The following TTYH3 variants were observed in gnomAD, a reference collection of about 807,000 sequenced individuals.
TTYH3 encodes tweety family member 3.
Under a neutral mutation model 68.2 loss-of-function variants are expected in TTYH3, and 23 were observed. The ratio of observed to expected loss-of-function variants is 0.34; its 90% CI spans 0.24 to 0.48. The LOEUF (loss-of-function observed/expected upper bound fraction) is 0.48, where lower values mean the gene tolerates loss of function less well. TTYH3 is among the 20% of genes least tolerant of loss of function. The probability of loss-of-function intolerance (pLI) is 0.99; values close to 1 mark genes in which losing one functional copy is unlikely to be tolerated. For missense variants in TTYH3, 768 were observed against 727.7 expected, an observed-to-expected ratio of 1.06 and a Z score of -0.64; for synonymous variants, 360 against 332.8, an observed-to-expected ratio of 1.08 and a Z score of -0.89.
In TTYH3 at chr7:2,632,083, T is replaced by C; in HGVS notation, c.-73T>C. 1 of 1,222,560 alleles carries C rather than the reference T, an allele frequency of 8.2e-7. No individual in the cohort carries two copies. Among genetic ancestry groups the C allele is most frequent in the Non-Finnish European group, 1.0e-6 (1 of 980,662 alleles). 75.7% of individuals were successfully genotyped at this position (1,222,560 alleles called of 1,614,324 possible). A position where few individuals can be genotyped will look rare whatever the true frequency, so the allele number is the denominator to read the frequency against. Reference sequence around the variant, plus strand: ...GGCCAGGCGGGGGTCGACGGGTCCCTGAAGCCCGCGCCCCGGGCCAGCAAG... The same window carrying C: ...GGCCAGGCGGGGGTCGACGGGTCCCCGAAGCCCGCGCCCCGGGCCAGCAAG... On this transcript the variant is annotated 5_prime_UTR_variant, in exon 1 of 14. The change abolishes the stop of an existing upstream ORF in the 5' untranslated region. Coordinates refer to ENST00000258796, the MANE Select transcript of TTYH3 (RefSeq NM_025250.3).
chr7:2,660,605 G>A, intron 13 of TTYH3: 1 of 962,442 alleles, frequency 1.0e-6, no homozygotes, highest in Non-Finnish European at 1.2e-6. Flanking sequence ...CATGTCAGTG[G>A]AATGACGAGG....
At position 2,659,164 on chromosome 7, in the gene TTYH3, C is replaced by T. The variant is rs531364689; in HGVS notation, c.1500+149C>T. 19 of 795,834 alleles carry T rather than the reference C, an allele frequency of 2.4e-5. No individual in the cohort carries two copies. The Admixed American group carries it at 3.6e-4, about 15-fold the overall frequency. The allele number at this position is 795,834 out of a possible 1,614,324, so 49.3% of individuals were successfully genotyped here. On this transcript the variant is annotated intron_variant, in intron 13 of 13. Transcript: ENST00000258796. ...GCCACCACCGGGGTCCCAGGTGACCCTTCCCAGCTGGGACCTCTCTGCAGG... is the reference window on the plus strand; with the variant it reads ...GCCACCACCGGGGTCCCAGGTGACCTTTCCCAGCTGGGACCTCTCTGCAGG...
chr7:2,648,296 A>C, intron 5 of TTYH3: 1 of 503,016 alleles, frequency 2.0e-6, no homozygotes, highest in Admixed American at 3.7e-5. Flanking sequence ...AAGAGTCTGC[A>C]CGTGGGGCAC....
Position 2,644,346 on chromosome 7 carries a change from A to T in TTYH3, c.124-2507A>T, listed in dbSNP as rs142474785. Among the ~76,000 whole-genome samples the T allele has an allele frequency of 1.7e-4, 26 of 152,216 alleles. No homozygotes were observed. The East Asian group carries it at 5.0e-3, about 29-fold the overall frequency. ...GGAGCCCCAGAGCGTGGCTTTTCCA[A>T]GCTCCCTAACGTTTATAGACAACCC... On this transcript the variant is annotated intron_variant, in intron 1 of 13. Transcript: ENST00000258796.
At chr7:2,640,610 TGTG>T (rs1189041853) in intron 1 of TTYH3, among the ~76,000 whole-genome samples, 1 of 152,130 alleles carries the variant, frequency 6.6e-6, no homozygotes, top group Non-Finnish European at 1.5e-5. Flanking sequence ...GGCAGCCTGG[TGTG>T]GTGTGGCCTG....
At chr7:2,648,371 G>A (rs1786059875) in intron 5 of TTYH3, 1 of 309,930 alleles carries the variant, frequency 3.2e-6, no homozygotes, top group African/African-American at 2.2e-5. Flanking sequence ...CCAGAGACCA[G>A]GCTGGGGCTC....
At chr7:2,647,118 A>G (rs1167317936) in intron 2 of TTYH3, 24 bp from the exon 3 acceptor site, 4 of 1,576,164 alleles carry the variant, frequency 2.5e-6, no homozygotes, top group East Asian at 2.3e-5. Context: ...GCGGGGCTAC[A>G]TCTCACGGGC....
At chr7:2,649,749 G>C in intron 6 of TTYH3, 110 bp downstream of exon 6, 4 of 1,462,842 alleles carry the variant, frequency 2.7e-6, no homozygotes, top group Non-Finnish European at 1.9e-6. Context: ...ACTGGGTCCC[G>C]AGAGCGGTGG....
intron 7 of TTYH3, among the ~76,000 whole-genome samples, chr7:2,651,743 G>GT (rs879482760): frequency 0.017 from 2,528 of 151,682 alleles, 75 homozygotes; most frequent in African/African-American, 0.057. Context: ...CTTTTAAAAT[G>GT]TTTTTTTTTA....
intron 13 of TTYH3, chr7:2,659,826 C>G: frequency 8.2e-7 from 1 of 1,215,860 alleles, no homozygotes. Context: ...CTCGGCTGCC[C>G]TCGTCCTCGC....
At chr7:2,659,907 C>G in intron 13 of TTYH3, 1 of 1,295,470 alleles carries the variant, frequency 7.7e-7, no homozygotes, top group Non-Finnish European at 1.0e-6. Context: ...CTCTCTCTCT[C>G]TCTTGCACCC....
chr7:2,662,111 G>A lies in TTYH3; in HGVS notation c.*372G>A, dbSNP rs935968392. On this transcript the variant is annotated 3_prime_UTR_variant, in exon 14 of 14. Coordinates refer to ENST00000258796, the MANE Select transcript of TTYH3 (RefSeq NM_025250.3). ...CCACAGCTCTCCTTCCTCCCGCCCG[G>A]CACTTCTGTGGACCCCTTCTTAGTT... 6.8e-6 allele frequency: 3 copies of A among 440,258 alleles called. No homozygotes were observed. Among genetic ancestry groups the A allele is most frequent in the African/African-American group, 6.1e-5 (3 of 48,940 alleles). 27.3% of individuals were successfully genotyped at this position (440,258 alleles called of 1,614,324 possible).
rs201904632 is a variant in TTYH3, at chr7:2,656,514, G to T, written c.1230G>T (p.Pro410=). 2 of 1,604,242 alleles carry T rather than the reference G, an allele frequency of 1.2e-6. No individual in the cohort carries two copies. Among genetic ancestry groups the T allele is most frequent in the Non-Finnish European group, 1.7e-6 (2 of 1,176,656 alleles). ...TCAGCTCCATCGTCTGCAGCGTCCCGCACACCTGGCAGCAAAAGAGGTGAG... is the reference window on the plus strand; with the variant it reads ...TCAGCTCCATCGTCTGCAGCGTCCCTCACACCTGGCAGCAAAAGAGGTGAG... ...LMFSSIVCSV[P]HTWQQKRGPD... is the part of the protein sequence containing the mutation. Residue 410 remains proline, a synonymous_variant, in exon 11 of 14, where the codon CCG becomes CCT. Coordinates refer to ENST00000258796, the MANE Select transcript of TTYH3 (RefSeq NM_025250.3).
chr7:2,658,093 G>C (rs1786385728), intron 11 of TTYH3, among the ~76,000 whole-genome samples, 193 bp from the exon 12 acceptor site: 5 of 152,232 alleles, frequency 3.3e-5, no homozygotes. Flanking sequence ...AGGTCTCATA[G>C]CACCCCACCT....
In TTYH3 at chr7:2,656,236, G is replaced by C. The variant is rs1326647967; in HGVS notation, c.1113+52G>C. The C allele has an allele frequency of 2.6e-6, 4 of 1,549,780 alleles. No homozygotes were observed. In the African/African-American group the frequency reaches 5.4e-5, roughly 21 times the overall value. On this transcript the variant is annotated intron_variant, in intron 10 of 13. Coordinates refer to ENST00000258796, the MANE Select transcript of TTYH3 (RefSeq NM_025250.3). ...CATGGCAGCTTGTAGGGTGGGAACAGGGGAGCAGCTGTTCGGGAGGATGGG... is the reference window on the plus strand; with the variant it reads ...CATGGCAGCTTGTAGGGTGGGAACACGGGAGCAGCTGTTCGGGAGGATGGG...
At chr7:2,642,984 A>G (rs1785889620) in intron 1 of TTYH3, among the ~76,000 whole-genome samples, 1 of 148,050 alleles carries the variant, frequency 6.8e-6, no homozygotes, top group Non-Finnish European at 1.5e-5. Flanking sequence ...AATGGCTTGA[A>G]CCTGGGAGGC....
chr7:2,640,786 G>GTCC (rs1785819784), intron 1 of TTYH3, among the ~76,000 whole-genome samples: 1 of 151,538 alleles, frequency 6.6e-6, no homozygotes, highest in Non-Finnish European at 1.5e-5. Flanking sequence ...GTCTGCTCAA[G>GTCC]TGCCCCGTGG....
At chr7:2,656,264 C>A in intron 10 of TTYH3, 80 bp downstream of exon 10, 1 of 1,558,426 alleles carries the variant, frequency 6.4e-7, no homozygotes, top group Non-Finnish European at 8.8e-7. Context: ...AGGATGGGGA[C>A]CCTCAGCAGA....
chr7:2,636,156 G>A (rs143455721), intron 1 of TTYH3, among the ~76,000 whole-genome samples: 12 of 152,318 alleles, frequency 7.9e-5, no homozygotes, highest in Admixed American at 3.9e-4. Flanking sequence ...TGTCTGTGCC[G>A]CCACAAGGTG....
Sources: gnomAD v4.1 joint callset for allele counts (sites outside exome capture counted in the v4.1 genomes callset) on GRCh38, gnomAD v4.1.1 for gene constraint, MANE v1.5 for transcripts, NCBI Gene and HGNC (gene_info 2026-07-23, HGNC 2026-07-21) for gene names.